The following GGA3 variants were observed in gnomAD, a reference collection of about 807,000 sequenced individuals.
The protein encoded by GGA3 is golgi associated, gamma adaptin ear containing, ARF binding protein 3.
GGA3 carries 57 observed loss-of-function variants against 77.5 expected under a neutral mutation model. That is an observed-to-expected ratio of 0.74 (90% CI 0.59 to 0.92). The LOEUF (loss-of-function observed/expected upper bound fraction) is 0.92. GGA3 is among the 40% of genes least tolerant of loss of function. The pLI, the probability that GGA3 is intolerant of heterozygous loss-of-function variation, is 0.00. For missense variants in GGA3, 970 were observed against 914.9 expected, an observed-to-expected ratio of 1.06 and a Z score of -0.78; for synonymous variants, 416 against 383.7, an observed-to-expected ratio of 1.08 and a Z score of -0.98.
chr17:75,239,254 G>A lies in GGA3; in HGVS notation c.1780+121C>T, dbSNP rs115706998. On this transcript the variant is annotated intron_variant, in intron 14 of 16. Coordinates refer to ENST00000537686, the MANE Select transcript of GGA3 (RefSeq NM_138619.4). ...TTAAGACTGAGAATGCAGGCAGGGA[G>A]GCCTGCCTGGCTTTAAGGGACCCCC... 1,043 of 976,442 alleles carry A rather than the reference G, an allele frequency of 1.1e-3. 10 individuals are homozygous for A. In the African/African-American group the frequency reaches 0.015, roughly 14 times the overall value. The allele number at this position is 976,442 out of a possible 1,614,324, so 60.5% of individuals were successfully genotyped here.
chr17:75,243,174 G>T lies in GGA3; in HGVS notation c.425-8C>A. ...GGTCAGACTGCACTATGCCTGAAAG[G>T]GGACATGGCAGCACGTGCACTCAGG... On this transcript the variant is annotated splice_polypyrimidine_tract_variant and splice_region_variant and intron_variant, in intron 5 of 16. Coordinates refer to ENST00000537686, the MANE Select transcript of GGA3 (RefSeq NM_138619.4). 6.3e-7 allele frequency: 1 copy of T among 1,589,818 alleles called. No homozygotes were observed. Among genetic ancestry groups the T allele is most frequent in the South Asian group, 1.1e-5 (1 of 89,488 alleles).
At chr17:75,245,147 C>T (rs2076710421) in intron 3 of GGA3, among the ~76,000 whole-genome samples, 1 of 152,176 alleles carries the variant, frequency 6.6e-6, no homozygotes, top group African/African-American at 2.4e-5. Context: ...TGTTTAAATC[C>T]TATTATCTGT....
chr17:75,248,807 CA>C (rs757444669), intron 1 of GGA3: 26 of 240,060 alleles, frequency 1.1e-4, no homozygotes, highest in South Asian at 3.8e-4. Flanking sequence ...AAAACAAAAA[CA>C]AAAAAAACAA....
intron 1 of GGA3, among the ~76,000 whole-genome samples, chr17:75,250,762 CAAAAAAAAAA>C (rs5822078): frequency 1.3e-5 from 1 of 78,852 alleles, no homozygotes; most frequent in Non-Finnish European, 2.5e-5. Flanking sequence ...ACTCCATCTC[CAAAAAAAAAA>C]AAAAAAAAAA....
At position 75,238,075 on chromosome 17, in the gene GGA3, T is replaced by C; in HGVS notation, c.*204A>G. The C allele has an allele frequency of 7.2e-7, 1 of 1,379,458 alleles. No individual in the cohort carries two copies. The highest frequency in any genetic ancestry group is 2.7e-4 in the Middle Eastern group (1 of 3,706). The allele number at this position is 1,379,458 out of a possible 1,614,324, so 85.5% of individuals were successfully genotyped here. On this transcript the variant is annotated 3_prime_UTR_variant, in exon 17 of 17. Transcript: ENST00000537686. ...ATATGGCCACTTCAAGTCACACAGGTAGATAAAAACAGGTCCTTTTAGGGG... is the reference window on the plus strand; with the variant it reads ...ATATGGCCACTTCAAGTCACACAGGCAGATAAAAACAGGTCCTTTTAGGGG...
In GGA3 at chr17:75,239,824, C is replaced by T; in HGVS notation, c.1548G>A (p.Leu516=). The T allele has an allele frequency of 1.9e-6, 3 of 1,613,894 alleles. No individual in the cohort carries two copies. Among genetic ancestry groups the T allele is most frequent in the Non-Finnish European group, 1.7e-6 (2 of 1,180,036 alleles). The change falls in exon 13 of 17, where the codon CTG becomes CTA. Residue 516 remains leucine, a synonymous_variant. Transcript: ENST00000537686. Reference sequence around the variant, plus strand: ...CTTCTAGAAGCTGATCGAGGGCATCCAGGTGGTGCAGCGCGCTGTTGCCCA... The same window carrying T: ...CTTCTAGAAGCTGATCGAGGGCATCTAGGTGGTGCAGCGCGCTGTTGCCCA... ...LALGNSALHH[L]DALDQLLEEA... is the part of the protein sequence containing the mutation.
chr17:75,245,296 G>T (rs2076715245), intron 3 of GGA3, among the ~76,000 whole-genome samples: 1 of 152,194 alleles, frequency 6.6e-6, no homozygotes, highest in Non-Finnish European at 1.5e-5. Flanking sequence ...CTTGGCTTCT[G>T]CATTTTAAAG....
rs549653606 is a variant in GGA3, at chr17:75,248,525, G to A, written c.41-1729C>T. ...AGCTGGGCCGGGTGCAGTGGCTCAC[G>A]CCTGTAATCCCAACACTTTGGGAGG... On this transcript the variant is annotated intron_variant, in intron 1 of 16. Coordinates refer to ENST00000537686, the MANE Select transcript of GGA3 (RefSeq NM_138619.4). Among the ~76,000 whole-genome samples, 8 of 135,242 alleles carry A rather than the reference G, an allele frequency of 5.9e-5. No individual in the cohort carries two copies. The South Asian group carries it at 7.4e-4, about 13-fold the overall frequency. The allele number at this position is 135,242 out of a possible 152,430, so 88.7% of individuals were successfully genotyped here.
intron 1 of GGA3, among the ~76,000 whole-genome samples, chr17:75,257,857 T>G (rs1403159001): frequency 2.0e-5 from 3 of 152,170 alleles, no homozygotes; most frequent in African/African-American, 7.2e-5. Context: ...GGCAGGAATG[T>G]CAGGCCTGAG....
intron 1 of GGA3, among the ~76,000 whole-genome samples, chr17:75,249,478 G>C (rs1272051100): frequency 1.3e-5 from 2 of 152,234 alleles, no homozygotes; most frequent in Non-Finnish European, 2.9e-5. Flanking sequence ...AGAAATGTCT[G>C]GCAATCCTGC....
intron 1 of GGA3, among the ~76,000 whole-genome samples, chr17:75,261,001 A>G (rs7213757): frequency 0.98 from 149,478 of 152,330 alleles, 73,407 homozygotes; most frequent in Middle Eastern, 1. Context: ...TCTGTTCTCT[A>G]TCATCGCTCT....
Position 75,251,524 on chromosome 17 carries a change from A to C in GGA3, c.41-4728T>G, listed in dbSNP as rs142724381. Among the ~76,000 whole-genome samples, 98 of 151,908 alleles carry C rather than the reference A, an allele frequency of 6.5e-4. 2 individuals carry two copies. The East Asian group carries it at 0.017, about 27-fold the overall frequency. ...AGTTCAAGACCAGCCTGGCTAAGAT[A>C]GTGAAACCCTGTCTCTACTAAAACT... On this transcript the variant is annotated intron_variant, in intron 1 of 16. Coordinates refer to ENST00000537686, the MANE Select transcript of GGA3 (RefSeq NM_138619.4).
chr17:75,246,402 TTC>T (rs2076758685), intron 3 of GGA3, 105 bp downstream of exon 3: 1 of 738,540 alleles, frequency 1.4e-6, no homozygotes, highest in African/African-American at 1.7e-5. Flanking sequence ...ATCAAGGACT[TTC>T]TGTTGGCTTT....
At chr17:75,250,087 GA>G (rs1408467327) in intron 1 of GGA3, among the ~76,000 whole-genome samples, 1 of 152,160 alleles carries the variant, frequency 6.6e-6, no homozygotes, top group African/African-American at 2.4e-5. Context: ...CCGCCCACAG[GA>G]ACGGGAAGGA....
intron 1 of GGA3, among the ~76,000 whole-genome samples, chr17:75,248,468 CAAAAAAAAAAA>C (rs59182526): frequency 2.0e-4 from 4 of 19,778 alleles, no homozygotes; most frequent in South Asian, 4.4e-3. Context: ...GACTCCGTCT[CAAAAAAAAAAA>C]AAAAAAAAAA....
In GGA3 at chr17:75,240,798, C is replaced by G. The variant is rs115317716; in HGVS notation, c.1192+14G>C. 4.5e-5 allele frequency: 72 copies of G among 1,601,174 alleles called. No homozygotes were observed. Among genetic ancestry groups the G allele is most frequent in the East Asian group, 8.9e-5 (4 of 44,790 alleles). ...CTGTCAGGGGATGCCCCTGACGCCC[C>G]CTGTGGGCCGCACCCAAGCAGAGTA... On this transcript the variant is annotated intron_variant, in intron 11 of 16. Coordinates refer to ENST00000537686, the MANE Select transcript of GGA3 (RefSeq NM_138619.4).
chr17:75,260,788 A>G (rs559795799), intron 1 of GGA3, among the ~76,000 whole-genome samples: 7 of 152,314 alleles, frequency 4.6e-5, no homozygotes, highest in African/African-American at 1.7e-4. Flanking sequence ...TTTCCTTCGT[A>G]GCACTGTAAT....
At chr17:75,254,900 T>G (rs903844468) in intron 1 of GGA3, among the ~76,000 whole-genome samples, 2 of 151,942 alleles carry the variant, frequency 1.3e-5, no homozygotes, top group African/African-American at 4.8e-5. Context: ...AGCCCGGGAT[T>G]CCTCCTAAGC....
At chr17:75,242,196 G>A (rs1387328914) in intron 8 of GGA3, 140 bp downstream of exon 8, 9 of 878,606 alleles carry the variant, frequency 1.0e-5, no homozygotes, top group Middle Eastern at 3.4e-4. Context: ...CGTGGCTGCT[G>A]TGCAGATGAG....
Sources: gnomAD v4.1 joint callset for allele counts (sites outside exome capture counted in the v4.1 genomes callset) on GRCh38, gnomAD v4.1.1 for gene constraint, MANE v1.5 for transcripts, NCBI Gene and HGNC (gene_info 2026-07-23, HGNC 2026-07-21) for gene names.